The following TAF4 variants were observed in gnomAD, a reference collection of about 807,000 sequenced individuals.
The protein encoded by TAF4 is transcription initiation factor TFIID subunit 4.
TAF4 carries 9 observed loss-of-function variants against 90.3 expected under a neutral mutation model. That is an observed-to-expected ratio of 0.10 (90% CI 0.06 to 0.17). The LOEUF (loss-of-function observed/expected upper bound fraction) is 0.17. Among genes scored for constraint, TAF4 ranks in the 10% least tolerant of loss-of-function variants. The pLI, the probability that TAF4 is intolerant of heterozygous loss-of-function variation, is 1.00. For synonymous variants in TAF4, 818 were observed against 638.9 expected (o/e 1.28, Z -4.23); for missense variants, 1,351 against 1,370.7 (o/e 0.99, Z 0.23).
intron 9 of TAF4, 102 bp from the exon 10 acceptor site, chr20:62,000,823 TGAG>T: frequency 7.6e-7 from 1 of 1,318,692 alleles, no homozygotes; most frequent in Admixed American, 1.8e-5. Context: ...GGCAGGGCCG[TGAG>T]GAGGCCAGGC....
chr20:61,975,382 A>AT lies in TAF4; in HGVS notation c.*785dup, dbSNP rs2055486655. 6.6e-6 allele frequency: 1 copy of AT among 152,338 alleles called. No individual in the cohort carries two copies. The highest frequency in any genetic ancestry group is 6.6e-5 in the Admixed American group (1 of 15,246). 9.4% of individuals were successfully genotyped at this position (152,338 alleles called of 1,614,324 possible). On this transcript the variant is annotated 3_prime_UTR_variant, in exon 15 of 15. Coordinates refer to ENST00000252996, the MANE Select transcript of TAF4 (RefSeq NM_003185.4). Reference sequence around the variant, plus strand: ...GATGATTCTTCTCAACTTTGATTTTATTTAATCTAGGTTTTCACTTTTAGC... The same window carrying AT: ...GATGATTCTTCTCAACTTTGATTTTATTTTAATCTAGGTTTTCACTTTTAGC...
rs1053487293 is a variant in TAF4 at position 61,975,679 on chromosome 20, G to T, written c.*489C>A. 2 of 137,674 alleles carry T rather than the reference G, an allele frequency of 1.5e-5. No individual in the cohort carries two copies. Among genetic ancestry groups the T allele is most frequent in the Non-Finnish European group, 3.0e-5 (2 of 65,758 alleles). The allele number at this position is 137,674 out of a possible 1,614,324, so 8.5% of individuals were successfully genotyped here. On this transcript the variant is annotated 3_prime_UTR_variant, in exon 15 of 15. Coordinates refer to ENST00000252996, the MANE Select transcript of TAF4 (RefSeq NM_003185.4). ...GGAGGGGAGGGCAGGGGGCAGAGAG[G>T]AGAGCGGGGTGGGAGGGGAAGGGAA... is the stretch of plus-strand genomic sequence containing the variant.
intron 14 of TAF4, among the ~76,000 whole-genome samples, chr20:61,985,965 G>GAACCACCATCCCCAACCA (rs1207195347): frequency 6.6e-6 from 1 of 150,932 alleles, no homozygotes; most frequent in Non-Finnish European, 1.5e-5. Flanking sequence ...CCGACCAAAG[G>GAACCACCATCCCCAACCA]AAGCACCATC....
At chr20:62,002,474 G>A (rs1379485336) in intron 9 of TAF4, among the ~76,000 whole-genome samples, 5 of 152,098 alleles carry the variant, frequency 3.3e-5, no homozygotes, top group Admixed American at 6.6e-5. Flanking sequence ...CTGCTTTCCA[G>A]GAGGCCCAGG....
intron 1 of TAF4, among the ~76,000 whole-genome samples, chr20:62,050,962 C>G (rs2056023804): frequency 6.6e-6 from 1 of 152,208 alleles, no homozygotes; most frequent in African/African-American, 2.4e-5. Flanking sequence ...CAGGGCCCCT[C>G]CCACAGAGCA....
chr20:62,009,507 G>A (rs1187353697), intron 4 of TAF4, among the ~76,000 whole-genome samples: 1 of 152,216 alleles, frequency 6.6e-6, no homozygotes, highest in Non-Finnish European at 1.5e-5. Context: ...AATCCAAACG[G>A]ACACAGAAGG....
At chr20:61,988,187 A>AC (rs1327000561) in intron 14 of TAF4, among the ~76,000 whole-genome samples, 1 of 152,094 alleles carries the variant, frequency 6.6e-6, no homozygotes, top group Non-Finnish European at 1.5e-5. Flanking sequence ...CCAAGAGTGC[A>AC]CCCTGATGGG....
chr20:62,034,862 C>T (rs942051968), intron 1 of TAF4, among the ~76,000 whole-genome samples: 4 of 143,888 alleles, frequency 2.8e-5, no homozygotes, highest in South Asian at 4.5e-4. Flanking sequence ...GCTCTGTCAC[C>T]CAGGCTGGAG....
chr20:62,003,098 G>A (rs774445048), intron 9 of TAF4, 62 bp downstream of exon 9: 13 of 1,439,654 alleles, frequency 9.0e-6, no homozygotes, highest in African/African-American at 7.0e-5. Flanking sequence ...GGAGCAGCAC[G>A]GACTCTGGAC....
intron 2 of TAF4, among the ~76,000 whole-genome samples, chr20:62,013,906 G>T (rs112624570): frequency 0.011 from 1,164 of 107,418 alleles, 20 homozygotes; most frequent in African/African-American, 0.036. Flanking sequence ...GGCTGACGCG[G>T]GTGTGTGTGT....
chr20:62,062,958 T>C (rs28381999), intron 1 of TAF4, among the ~76,000 whole-genome samples: 77 of 152,220 alleles, frequency 5.1e-4, no homozygotes, highest in Non-Finnish European at 9.1e-4. Context: ...GTTTACATAA[T>C]AGATCACAGC....
intron 1 of TAF4, among the ~76,000 whole-genome samples, chr20:62,021,612 C>A (rs1415131202): frequency 6.6e-6 from 1 of 152,234 alleles, no homozygotes; most frequent in African/African-American, 2.4e-5. Flanking sequence ...CAGACGGTCG[C>A]TAGCTGACAC....
chr20:61,985,902 C>CCACCATCCCCGACCCAAGGAAG (rs2055586832), intron 14 of TAF4, among the ~76,000 whole-genome samples: 1 of 112,426 alleles, frequency 8.9e-6, no homozygotes, highest in African/African-American at 3.8e-5. Flanking sequence ...ACCAAAGGAA[C>CCACCATCCCCGACCCAAGGAAG]CACCATCCCC....
intron 1 of TAF4, among the ~76,000 whole-genome samples, chr20:62,054,589 C>G (rs2056050011): frequency 6.6e-6 from 1 of 152,158 alleles, no homozygotes; most frequent in South Asian, 2.1e-4. Flanking sequence ...CTCTGGGCCA[C>G]CCTTCCTGCA....
chr20:62,064,846 G>A lies in TAF4; in HGVS notation c.965C>T (p.Pro322Leu), dbSNP rs2056114772. Residue 322 changes from proline (P) to leucine (L), a missense_variant, in exon 1 of 15, where the codon CCC (proline) becomes CTC (leucine). By Grantham distance (98) the Pro-to-Leu change is moderately conservative. Coordinates refer to ENST00000252996, the MANE Select transcript of TAF4 (RefSeq NM_003185.4). Reference protein sequence around the residue: ...APAPAPAAGGPAGVSGQPGPG... With the variant: ...APAPAPAAGGLAGVSGQPGPG... Reference sequence around the variant, plus strand: ...CCCGGGTTGGCCGCTGACCCCCGCGGGGCCCCCGGCGGCCGGGGCGGGGGC... The same window carrying A: ...CCCGGGTTGGCCGCTGACCCCCGCGAGGCCCCCGGCGGCCGGGGCGGGGGC... 9 of 969,188 alleles carry A rather than the reference G, an allele frequency of 9.3e-6. No individual in the cohort carries two copies. The highest frequency in any genetic ancestry group is 4.7e-5 in the South Asian group (1 of 21,306). The allele number at this position is 969,188 out of a possible 1,614,324, so 60.0% of individuals were successfully genotyped here.
rs1304658612 is a variant in TAF4, at chr20:61,976,021, T to C, written c.*147A>G. The C allele has an allele frequency of 1.2e-5, 10 of 836,602 alleles. No homozygotes were observed. The highest frequency in any genetic ancestry group is 1.7e-5 in the Non-Finnish European group (9 of 540,578). The allele number at this position is 836,602 out of a possible 1,614,324, so 51.8% of individuals were successfully genotyped here. A position where few individuals can be genotyped will look rare whatever the true frequency, so the allele number is the denominator to read the frequency against. On this transcript the variant is annotated 3_prime_UTR_variant, in exon 15 of 15. Coordinates refer to ENST00000252996, the MANE Select transcript of TAF4 (RefSeq NM_003185.4). ...CTCTCTGTTACAGAAACGTGTTTTC[T>C]TTCACACTGAAGAGCTGATTTAGAA... is the stretch of plus-strand genomic sequence containing the variant.
At chr20:62,051,625 C>G (rs560739394) in intron 1 of TAF4, among the ~76,000 whole-genome samples, 1 of 152,106 alleles carries the variant, frequency 6.6e-6, no homozygotes, top group African/African-American at 2.4e-5. Flanking sequence ...TCCACAGAGG[C>G]CACCCTCCCT....
chr20:62,012,571 C>G, intron 3 of TAF4: 1 of 405,420 alleles, frequency 2.5e-6, no homozygotes, highest in Non-Finnish European at 4.2e-6. Flanking sequence ...AAAGCTTGAA[C>G]AGTGCTGCTG....
intron 1 of TAF4, among the ~76,000 whole-genome samples, chr20:62,034,322 G>A (rs147293461): frequency 6.6e-6 from 1 of 152,016 alleles, no homozygotes; most frequent in African/African-American, 2.4e-5. Flanking sequence ...ATTAGAAAAC[G>A]CAATTTTTTG....
Sources: gnomAD v4.1 joint callset for allele counts (sites outside exome capture counted in the v4.1 genomes callset) on GRCh38, gnomAD v4.1.1 for gene constraint, MANE v1.5 for transcripts, NCBI Gene and HGNC (gene_info 2026-07-23, HGNC 2026-07-21) for gene names.